The following PLCL1 variants were observed in gnomAD, a reference collection of about 807,000 sequenced individuals.
The protein encoded by PLCL1 is inactive phospholipase C-like protein 1.
PLCL1 carries 41 observed loss-of-function variants against 84.4 expected under a neutral mutation model. The ratio of observed to expected loss-of-function variants is 0.49; its 90% CI spans 0.38 to 0.63. The LOEUF (loss-of-function observed/expected upper bound fraction) is 0.63. Among genes scored for constraint, PLCL1 ranks in the 30% least tolerant of loss-of-function variants. The pLI is 0.00. For missense variants in PLCL1, 1,206 were observed against 1,367.8 expected (o/e 0.88, Z 1.87); for synonymous variants, 490 against 488.3 (o/e 1.00, Z -0.05).
At chr2:197,929,370 G>A (rs936293109) in intron 1 of PLCL1, among the ~76,000 whole-genome samples, 6 of 152,178 alleles carry the variant, frequency 3.9e-5, no homozygotes, top group African/African-American at 1.4e-4. Context: ...GAGGCAGCAT[G>A]CTCCTTAACT....
At chr2:197,925,403 A>G (rs1688813311) in intron 1 of PLCL1, among the ~76,000 whole-genome samples, 1 of 152,152 alleles carries the variant, frequency 6.6e-6, no homozygotes, top group African/African-American at 2.4e-5. Flanking sequence ...CTGAGAAGAA[A>G]TTTCTTCCCA....
chr2:197,827,758 A>G (rs1025974427), intron 1 of PLCL1, among the ~76,000 whole-genome samples: 1 of 152,110 alleles, frequency 6.6e-6, no homozygotes, highest in South Asian at 2.1e-4. Flanking sequence ...CAAGATTTAC[A>G]TTGTTTTCCA....
intron 5 of PLCL1, among the ~76,000 whole-genome samples, chr2:198,112,007 A>G (rs1693635582): frequency 6.6e-6 from 1 of 151,904 alleles, no homozygotes; most frequent in Non-Finnish European, 1.5e-5. Flanking sequence ...GAGAGAGTGT[A>G]TCTTGAGAAT....
intron 1 of PLCL1, among the ~76,000 whole-genome samples, chr2:197,911,207 GC>G (rs1425266165): frequency 6.6e-6 from 1 of 151,968 alleles, no homozygotes; most frequent in Non-Finnish European, 1.5e-5. Flanking sequence ...CTGGTTGCTT[GC>G]CTCTTTAGTC....
intron 1 of PLCL1, among the ~76,000 whole-genome samples, chr2:197,821,548 T>A (rs1156664402): frequency 1.3e-5 from 2 of 152,182 alleles, no homozygotes; most frequent in African/African-American, 4.8e-5. Context: ...CCCCTTAAGA[T>A]GTTGGCTTGT....
chr2:198,095,135 A>G (rs1490010766), intron 3 of PLCL1, among the ~76,000 whole-genome samples: 1 of 152,184 alleles, frequency 6.6e-6, no homozygotes, highest in African/African-American at 2.4e-5. Flanking sequence ...TCTGCTCATC[A>G]GGAAAGTTTT....
At chr2:197,833,287 C>G (rs1031046341) in intron 1 of PLCL1, among the ~76,000 whole-genome samples, 4 of 152,132 alleles carry the variant, frequency 2.6e-5, no homozygotes, top group Non-Finnish European at 5.9e-5. Context: ...ACAAGGATGC[C>G]CTCTCTCACC....
At chr2:197,974,608 A>G (rs1689930517) in intron 1 of PLCL1, among the ~76,000 whole-genome samples, 1 of 152,246 alleles carries the variant, frequency 6.6e-6, no homozygotes, top group Admixed American at 6.5e-5. Context: ...TTCTACAGCC[A>G]TATATGTGAA....
chr2:197,922,957 C>T (rs1382617863), intron 1 of PLCL1, among the ~76,000 whole-genome samples: 3 of 113,058 alleles, frequency 2.7e-5, no homozygotes, highest in Admixed American at 8.4e-5. Context: ...GGGGGGCTGA[C>T]CCCCCCACCT....
At chr2:198,069,338 A>ATT (rs1479518484) in intron 1 of PLCL1, among the ~76,000 whole-genome samples, 2 of 151,996 alleles carry the variant, frequency 1.3e-5, no homozygotes, top group Non-Finnish European at 2.9e-5. Context: ...AGAGATAAAG[A>ATT]AACAGCCTGG....
intron 1 of PLCL1, among the ~76,000 whole-genome samples, chr2:197,921,100 AT>A (rs1688692358): frequency 6.6e-6 from 1 of 152,270 alleles, no homozygotes; most frequent in African/African-American, 2.4e-5. Context: ...AGAATGCAGC[AT>A]GTTACTGTAC....
chr2:198,105,769 G>A (rs904681316), intron 5 of PLCL1, among the ~76,000 whole-genome samples: 1 of 151,688 alleles, frequency 6.6e-6, no homozygotes, highest in African/African-American at 2.4e-5. Context: ...AATATCTAGG[G>A]CCATTGAGGA....
intron 5 of PLCL1, among the ~76,000 whole-genome samples, chr2:198,121,822 G>A (rs910644710): frequency 6.6e-6 from 1 of 151,986 alleles, no homozygotes; most frequent in African/African-American, 2.4e-5. Context: ...CACTGGACTG[G>A]CAATTTGCTT....
intron 1 of PLCL1, among the ~76,000 whole-genome samples, chr2:197,853,444 T>C (rs1687275558): frequency 6.6e-6 from 1 of 152,200 alleles, no homozygotes; most frequent in Admixed American, 6.5e-5. Flanking sequence ...TGAGGAACTG[T>C]GATATCATTT....
intron 1 of PLCL1, among the ~76,000 whole-genome samples, chr2:197,889,061 A>G (rs1687968897): frequency 6.6e-6 from 1 of 152,198 alleles, no homozygotes; most frequent in Non-Finnish European, 1.5e-5. Context: ...GTATATGTGT[A>G]AAGTGAATGT....
chr2:197,957,568 G>A (rs73056880), intron 1 of PLCL1, among the ~76,000 whole-genome samples: 27,414 of 151,882 alleles, frequency 0.18, 2,558 homozygotes, highest in East Asian at 0.27. Flanking sequence ...GTGACCATTG[G>A]CATTCTAGTC....
rs536675478 is a variant in PLCL1, at chr2:197,825,324, T to A, written c.240+19985T>A. ...TAGTACCACAGTAAAATGGAGCCAG[T>A]GTTCCTGGAAGTTTTAAGGCTACAA... is the stretch of plus-strand genomic sequence containing the variant. On this transcript the variant is annotated intron_variant, in intron 1 of 5. Transcript: ENST00000428675. 4.5e-4 allele frequency among the ~76,000 whole-genome samples: 68 copies of A among 152,292 alleles called. 2 individuals carry two copies. The South Asian group carries it at 1.0e-2, about 22-fold the overall frequency.
chr2:197,842,297 A>G (rs1687020644), intron 1 of PLCL1, among the ~76,000 whole-genome samples: 1 of 152,118 alleles, frequency 6.6e-6, no homozygotes, highest in South Asian at 2.1e-4. Flanking sequence ...CTAAAGCTTT[A>G]AACTCTTGTT....
At chr2:198,025,953 C>T (rs1691253983) in intron 1 of PLCL1, among the ~76,000 whole-genome samples, 1 of 152,142 alleles carries the variant, frequency 6.6e-6, no homozygotes, top group Non-Finnish European at 1.5e-5. Context: ...AAAATGAAAA[C>T]AACATGCAGT....
Sources: allele counts gnomAD v4.1 joint callset (sites outside exome capture counted in the v4.1 genomes callset), GRCh38; gene constraint gnomAD v4.1.1; transcripts MANE v1.5; gene names NCBI Gene and HGNC (gene_info 2026-07-23, HGNC 2026-07-21).